The following SHANK2 variants were observed in gnomAD, a reference collection of about 807,000 sequenced individuals.
SHANK2 encodes the protein SH3 and multiple ankyrin repeat domains protein 2.
SHANK2 carries 43 observed loss-of-function variants against 133.7 expected under a neutral mutation model. The observed-to-expected ratio is 0.32, with a 90% CI of 0.25 to 0.41. The LOEUF is 0.41. SHANK2 is among the 10% of genes least tolerant of loss of function. SHANK2 has a pLI of 1.00. For missense variants in SHANK2, 1,994 were observed against 2,235.8 expected (o/e 0.89, Z 2.18); for synonymous variants, 1,017 against 952.8 (o/e 1.07, Z -1.24).
chr11:70,714,601 G>A (rs1945869015), intron 14 of SHANK2, among the ~76,000 whole-genome samples: 1 of 152,114 alleles, frequency 6.6e-6, no homozygotes, highest in African/African-American at 2.4e-5. Context: ...GAGACTCCAC[G>A]AGAGGACTCG....
At chr11:71,127,687 TA>T (rs2135312727) in intron 3 of SHANK2, among the ~76,000 whole-genome samples, 1 of 152,374 alleles carries the variant, frequency 6.6e-6, no homozygotes, top group African/African-American at 2.4e-5. Flanking sequence ...ATTACATACT[TA>T]ATAGACTACA....
At chr11:71,166,391 C>A (rs1208758141) in intron 2 of SHANK2, among the ~76,000 whole-genome samples, 2 of 151,976 alleles carry the variant, frequency 1.3e-5, no homozygotes, top group African/African-American at 4.8e-5. Context: ...AGCAAGAATG[C>A]AGTGAATTCT....
chr11:70,482,943 G>A (rs1555152088), intron 25 of SHANK2, among the ~76,000 whole-genome samples: 1 of 152,190 alleles, frequency 6.6e-6, no homozygotes. Flanking sequence ...GCCTGAAGAC[G>A]AGTAGAGGGG....
chr11:70,844,891 C>T lies in SHANK2; in HGVS notation c.1175-24209G>A, dbSNP rs529203503. ...ATTTATATGACCAAATCACTGGGAC[C>T]CAATTTCTTCTTATGAAAATAAAAT... On this transcript the variant is annotated intron_variant, in intron 11 of 25. Coordinates refer to ENST00000601538, the MANE Select transcript of SHANK2 (RefSeq NM_012309.5). Among the ~76,000 whole-genome samples, 128 of 152,116 alleles carry T rather than the reference C, an allele frequency of 8.4e-4. 2 individuals are homozygous for T. The highest frequency in any genetic ancestry group is 2.9e-4 in the Non-Finnish European group (20 of 67,996).
chr11:70,944,720 C>T (rs58449288), intron 10 of SHANK2, among the ~76,000 whole-genome samples: 8,565 of 152,254 alleles, frequency 0.056, 812 homozygotes, highest in African/African-American at 0.2. Flanking sequence ...CTGGGAATCA[C>T]ATCCATCTGC....
intron 14 of SHANK2, among the ~76,000 whole-genome samples, chr11:70,725,898 G>A (rs782650914): frequency 6.6e-6 from 1 of 152,172 alleles, no homozygotes; most frequent in Admixed American, 6.5e-5. Context: ...CAAATACCTA[G>A]ACAAAGCAAG....
chr11:71,167,471 A>T, intron 2 of SHANK2, among the ~76,000 whole-genome samples: 1 of 129,010 alleles, frequency 7.8e-6, no homozygotes, highest in Non-Finnish European at 1.6e-5. Context: ...GGGGCTCCTC[A>T]CTTCCCAGTA....
intron 14 of SHANK2, among the ~76,000 whole-genome samples, chr11:70,775,126 T>A (rs1555043649): frequency 6.6e-6 from 1 of 152,028 alleles, no homozygotes; most frequent in African/African-American, 2.4e-5. Context: ...ACCACCGCAC[T>A]CCAGTCTGGG....
At chr11:70,790,791 A>G (rs1417175255) in intron 14 of SHANK2, among the ~76,000 whole-genome samples, 3 of 152,166 alleles carry the variant, frequency 2.0e-5, no homozygotes, top group African/African-American at 4.8e-5. Context: ...GCCCGGGACC[A>G]CAGGTCCCAG....
intron 11 of SHANK2, among the ~76,000 whole-genome samples, chr11:70,862,623 A>G (rs1949279047): frequency 6.7e-6 from 1 of 149,110 alleles, no homozygotes; most frequent in Non-Finnish European, 1.5e-5. Context: ...TGGCTGATGG[A>G]CTGGACTGGA....
chr11:70,818,035 C>T (rs376549940), intron 12 of SHANK2, among the ~76,000 whole-genome samples: 4 of 152,300 alleles, frequency 2.6e-5, no homozygotes, highest in East Asian at 1.9e-4. Context: ...GCACCTGGTC[C>T]CTTGTTTTAT....
chr11:70,833,225 C>T (rs1223277898), intron 11 of SHANK2, among the ~76,000 whole-genome samples: 2 of 152,268 alleles, frequency 1.3e-5, no homozygotes, highest in African/African-American at 4.8e-5. Context: ...TCTGACTGTG[C>T]ACAGCACCAG....
intron 7 of SHANK2, among the ~76,000 whole-genome samples, 174 bp from the exon 8 acceptor site, chr11:71,092,763 G>A (rs1951540670): frequency 6.6e-6 from 1 of 152,188 alleles, no homozygotes; most frequent in South Asian, 2.1e-4. Context: ...TAACCTGGCC[G>A]GGTGTGGTGG....
intron 14 of SHANK2, among the ~76,000 whole-genome samples, chr11:70,761,845 G>T (rs531230491): frequency 6.6e-6 from 1 of 152,214 alleles, no homozygotes. Flanking sequence ...GAGCTGCCCC[G>T]GAGGGCTTTT....
chr11:70,804,774 T>A lies in SHANK2; in HGVS notation c.1663+2228A>T, dbSNP rs1948125230. On this transcript the variant is annotated intron_variant, in intron 13 of 25. Transcript: ENST00000601538. This position sits in a 1 kb window ranked among gnomAD's most constrained non-coding sequence, Gnocchi z 4.1. ...GTGAGATGTGGATTCGCCTGCCATG[T>A]CCCAGGACCCCTGCGAGTCCTGGGT... Among the ~76,000 whole-genome samples the A allele has an allele frequency of 6.6e-6, 1 of 152,186 alleles. No individual in the cohort carries two copies. Among genetic ancestry groups the A allele is most frequent in the African/African-American group, 2.4e-5 (1 of 41,456 alleles).
At chr11:70,678,744 T>C (rs1325412358) in intron 15 of SHANK2, among the ~76,000 whole-genome samples, 2 of 151,998 alleles carry the variant, frequency 1.3e-5, no homozygotes, top group Non-Finnish European at 2.9e-5. Flanking sequence ...GGTTTCACCA[T>C]GTTGGCCAGG....
At chr11:71,107,757 T>G (rs1317366297) in intron 6 of SHANK2, among the ~76,000 whole-genome samples, 1 of 152,204 alleles carries the variant, frequency 6.6e-6, no homozygotes, top group Non-Finnish European at 1.5e-5. Context: ...AGCAGTGAAT[T>G]GAGAGTCTAT....
intron 11 of SHANK2, among the ~76,000 whole-genome samples, chr11:70,884,538 C>T (rs1555073020): frequency 1.3e-5 from 2 of 152,210 alleles, no homozygotes; most frequent in African/African-American, 4.8e-5. Context: ...GGCTGAGCAT[C>T]TCCCAGCTGC....
chr11:71,253,186 A>G (rs1948218042), upstream of SHANK2, among the ~76,000 whole-genome samples: 1 of 152,144 alleles, frequency 6.6e-6, no homozygotes, highest in Non-Finnish European at 1.5e-5. Flanking sequence ...GCTCGGGTGA[A>G]TCCCAGAGGC....
Sources: gnomAD v4.1 joint callset for allele counts (sites outside exome capture counted in the v4.1 genomes callset) on GRCh38, gnomAD v4.1.1 for gene constraint, Gnocchi (gnomAD v3.1) non-coding constraint, MANE v1.5 for transcripts, NCBI Gene and HGNC (gene_info 2026-07-23, HGNC 2026-07-21) for gene names.